SOX6: variants seen among roughly 807,000 people sequenced by gnomAD.
SOX6 encodes SRY-box transcription factor 6.
SOX6 carries 11 observed loss-of-function variants against 97.8 expected under a neutral mutation model. That is an observed-to-expected ratio of 0.11 (90% CI 0.07 to 0.19). The LOEUF is 0.19. SOX6 is among the 10% of genes least tolerant of loss of function. The pLI is 1.00. For synonymous variants in SOX6, 360 were observed against 371.4 expected (o/e 0.97, Z 0.35); for missense variants, 810 against 1,039.5 (o/e 0.78, Z 3.04).
chr11:16,518,407 A>G (rs939602391), intron 4 of SOX6, among the ~76,000 whole-genome samples: 1 of 152,210 alleles, frequency 6.6e-6, no homozygotes, highest in Non-Finnish European at 1.5e-5. Flanking sequence ...TCTTTAGCAT[A>G]ATGATAGCAT....
At chr11:16,500,962 T>C (rs1860697057) in intron 4 of SOX6, among the ~76,000 whole-genome samples, 1 of 152,130 alleles carries the variant, frequency 6.6e-6, no homozygotes, top group Admixed American at 6.5e-5. Flanking sequence ...AAAACTACTT[T>C]AAAGTTCATA....
chr11:16,362,940 G>C (rs73429680), intron 1 of SOX6, among the ~76,000 whole-genome samples: 8,268 of 152,212 alleles, frequency 0.054, 335 homozygotes, highest in African/African-American at 0.11. Context: ...ATCTTTATAA[G>C]TCTGGTACTA....
rs539028271 is a variant in SOX6 at position 16,123,390 on chromosome 11, C to A, written c.778-11467G>T. Among the ~76,000 whole-genome samples the A allele has an allele frequency of 1.2e-4, 19 of 152,102 alleles. No homozygotes were observed. The South Asian group carries it at 3.7e-3, about 30-fold the overall frequency. ...GTAAATAAGATGTCTAAGCTATTGACAGCTGGGGCTCAGCCATGGCAAATT... is the reference window on the plus strand; with the variant it reads ...GTAAATAAGATGTCTAAGCTATTGAAAGCTGGGGCTCAGCCATGGCAAATT... On this transcript the variant is annotated intron_variant, in intron 6 of 15. Transcript: ENST00000683767.
At chr11:16,331,095 C>A (rs1346811325) in intron 2 of SOX6, among the ~76,000 whole-genome samples, 1 of 152,100 alleles carries the variant, frequency 6.6e-6, no homozygotes, top group East Asian at 1.9e-4. Flanking sequence ...AAGAGGTAAC[C>A]ACTTACTCTG....
chr11:16,420,111 C>A (rs1241368177), intron 1 of SOX6, among the ~76,000 whole-genome samples: 1 of 152,076 alleles, frequency 6.6e-6, no homozygotes, highest in Non-Finnish European at 1.5e-5. Context: ...CTTACTCTGA[C>A]GTTTTTAAGC....
intron 2 of SOX6, among the ~76,000 whole-genome samples, chr11:16,721,735 T>C (rs1312844163): frequency 6.6e-6 from 1 of 150,894 alleles, no homozygotes; most frequent in Admixed American, 6.6e-5. Context: ...GCCATGCCTC[T>C]AGTATAGCCT....
chr11:16,606,784 T>C (rs1246479227), intron 4 of SOX6, among the ~76,000 whole-genome samples: 1 of 152,172 alleles, frequency 6.6e-6, no homozygotes, highest in Non-Finnish European at 1.5e-5. Flanking sequence ...CGCACAGTTA[T>C]CTACGGCTAC....
intron 3 of SOX6, among the ~76,000 whole-genome samples, chr11:16,295,183 C>A (rs1855036387): frequency 6.6e-6 from 1 of 151,968 alleles, no homozygotes; most frequent in African/African-American, 2.4e-5. Flanking sequence ...ATAAATTCAT[C>A]CTATGCTATT....
At chr11:16,118,604 G>C (rs555057456) in intron 6 of SOX6, among the ~76,000 whole-genome samples, 1 of 152,146 alleles carries the variant, frequency 6.6e-6, no homozygotes, top group Non-Finnish European at 1.5e-5. Context: ...GTTTGTCCCC[G>C]AAGACTTGCA....
intron 1 of SOX6, among the ~76,000 whole-genome samples, chr11:16,380,448 G>C (rs1485672014): frequency 6.6e-6 from 1 of 151,392 alleles, no homozygotes; most frequent in East Asian, 1.9e-4. Context: ...ACCATAGTTT[G>C]GTTTTTTAAT....
chr11:16,184,906 CT>C (rs1565004986), intron 5 of SOX6, among the ~76,000 whole-genome samples: 1 of 138,668 alleles, frequency 7.2e-6, no homozygotes, highest in African/African-American at 2.7e-5. Context: ...GCACTCAGGA[CT>C]TTGTTTAGTA....
chr11:16,142,823 C>A (rs1007956351), intron 6 of SOX6, among the ~76,000 whole-genome samples: 1 of 152,000 alleles, frequency 6.6e-6, no homozygotes, highest in Non-Finnish European at 1.5e-5. Context: ...AAGAAATGAA[C>A]AAAGCCACCA....
chr11:16,153,759 G>A (rs1176573003), intron 6 of SOX6, among the ~76,000 whole-genome samples: 1 of 152,044 alleles, frequency 6.6e-6, no homozygotes, highest in Non-Finnish European at 1.5e-5. Flanking sequence ...TAGTGAGACA[G>A]ATATGTGATC....
intron 1 of SOX6, among the ~76,000 whole-genome samples, chr11:16,372,370 A>G (rs1440578420): frequency 6.6e-6 from 1 of 152,140 alleles, no homozygotes; most frequent in African/African-American, 2.4e-5. Flanking sequence ...CTAGTAGAAA[A>G]GGAATAATGA....
intron 2 of SOX6, among the ~76,000 whole-genome samples, chr11:16,338,515 T>G (rs1159914586): frequency 6.6e-6 from 1 of 152,006 alleles, no homozygotes; most frequent in Non-Finnish European, 1.5e-5. Flanking sequence ...ATCTATCCAG[T>G]GAAAAAGAAG....
chr11:15,984,184 T>C (rs76558995), intron 15 of SOX6, among the ~76,000 whole-genome samples: 1,889 of 152,320 alleles, frequency 0.012, 38 homozygotes, highest in African/African-American at 0.043. Context: ...TAGATGTTAT[T>C]AAATTGTTTT....
At position 16,138,898 on chromosome 11, in the gene SOX6, G is replaced by T. The variant is rs144831691; in HGVS notation, c.778-26975C>A. Among the ~76,000 whole-genome samples, 507 of 152,248 alleles carry T rather than the reference G, an allele frequency of 3.3e-3. 1 individual carries two copies. Among genetic ancestry groups the T allele is most frequent in the African/African-American group, 0.012 (486 of 41,540 alleles). On this transcript the variant is annotated intron_variant, in intron 6 of 15. Coordinates refer to ENST00000683767, the MANE Select transcript of SOX6 (RefSeq NM_001367873.1). ...CATGAACTCATCATTTTTTATGGCT[G>T]CATAGTATTACACGGTGTATATGTG...
intron 2 of SOX6, among the ~76,000 whole-genome samples, chr11:16,730,679 A>G (rs1306923602): frequency 6.6e-6 from 1 of 152,210 alleles, no homozygotes; most frequent in African/African-American, 2.4e-5. Flanking sequence ...TATCACAATT[A>G]AAAGAACTAG....
At chr11:16,447,515 G>T (rs913140239) in intron 1 of SOX6, among the ~76,000 whole-genome samples, 26 of 151,536 alleles carry the variant, frequency 1.7e-4, no homozygotes, top group Admixed American at 9.2e-4. Context: ...AGTATATATA[G>T]AGAGAGAAAC....
Sources: gnomAD v4.1 joint callset for allele counts (sites outside exome capture counted in the v4.1 genomes callset) on GRCh38, gnomAD v4.1.1 for gene constraint, MANE v1.5 for transcripts, NCBI Gene and HGNC (gene_info 2026-07-23, HGNC 2026-07-21) for gene names.